SLC9A9: variants seen among roughly 807,000 people sequenced by gnomAD.
SLC9A9 encodes the protein sodium/hydrogen exchanger 9.
A neutral mutation model predicts 77.8 loss-of-function variants in SLC9A9; 62 were observed. The observed-to-expected ratio is 0.80, with a 90% CI of 0.65 to 0.98. The LOEUF (loss-of-function observed/expected upper bound fraction) is 0.98. Among genes scored for constraint, SLC9A9 ranks in the 50% least tolerant of loss-of-function variants. SLC9A9 has a pLI of 0.00. For synonymous variants in SLC9A9, 320 were observed against 283.5 expected (o/e 1.13, Z -1.29); for missense variants, 775 against 774.9 (o/e 1.00, Z 0.00).
At chr3:143,651,447 G>A (rs2038793843) in intron 6 of SLC9A9, among the ~76,000 whole-genome samples, 1 of 152,162 alleles carries the variant, frequency 6.6e-6, no homozygotes, top group South Asian at 2.1e-4. Flanking sequence ...ACAATCTTTT[G>A]TTACTTCACA....
intron 4 of SLC9A9, among the ~76,000 whole-genome samples, chr3:143,784,320 A>C (rs1576723659): frequency 6.6e-6 from 1 of 152,194 alleles, no homozygotes. Context: ...GAACATTATA[A>C]AATAGTTCTA....
At chr3:143,683,192 C>A (rs746023301) in intron 5 of SLC9A9, among the ~76,000 whole-genome samples, 1 of 152,108 alleles carries the variant, frequency 6.6e-6, no homozygotes, top group Non-Finnish European at 1.5e-5. Context: ...TAAGTAGCAG[C>A]TTAAACTAAA....
intron 6 of SLC9A9, among the ~76,000 whole-genome samples, chr3:143,594,791 G>A (rs2037725975): frequency 6.6e-6 from 1 of 152,058 alleles, no homozygotes; most frequent in Non-Finnish European, 1.5e-5. Context: ...GGGCTATTCT[G>A]AGAAAGAAGA....
chr3:143,356,283 A>G (rs974694108), intron 14 of SLC9A9, among the ~76,000 whole-genome samples: 2 of 152,204 alleles, frequency 1.3e-5, no homozygotes, highest in African/African-American at 4.8e-5. Flanking sequence ...GAGGCCAGTG[A>G]ATCAGTTGCC....
At chr3:143,734,467 G>C (rs555771149) in intron 4 of SLC9A9, among the ~76,000 whole-genome samples, 3 of 152,228 alleles carry the variant, frequency 2.0e-5, no homozygotes, top group African/African-American at 7.2e-5. Context: ...TGGGTGCAGT[G>C]GCTCATGCCT....
At chr3:143,286,927 C>T (rs1457366358) in intron 14 of SLC9A9, among the ~76,000 whole-genome samples, 1 of 152,214 alleles carries the variant, frequency 6.6e-6, no homozygotes, top group African/African-American at 2.4e-5. Context: ...AAATGAGGCT[C>T]CACTAGTTCT....
intron 4 of SLC9A9, among the ~76,000 whole-genome samples, chr3:143,707,369 T>TACAC (rs67386185): frequency 0.018 from 2,659 of 149,194 alleles, 46 homozygotes; most frequent in African/African-American, 0.039. Flanking sequence ...TTTTAAAATC[T>TACAC]ACACACACAC....
chr3:143,640,397 T>C (rs2038601786), intron 6 of SLC9A9, among the ~76,000 whole-genome samples: 1 of 152,202 alleles, frequency 6.6e-6, no homozygotes, highest in Non-Finnish European at 1.5e-5. Flanking sequence ...GTGCAAGTCA[T>C]TCTCTTAGAA....
chr3:143,343,485 C>T (rs10804692), intron 14 of SLC9A9: 122,348 of 152,032 alleles, frequency 0.8, 49,457 homozygotes, highest in East Asian at 1. Context: ...AAAAAATCAA[C>T]GGCATGGTTT....
intron 4 of SLC9A9, among the ~76,000 whole-genome samples, chr3:143,745,645 A>G (rs1204012499): frequency 2.0e-5 from 3 of 152,170 alleles, no homozygotes; most frequent in African/African-American, 7.2e-5. Flanking sequence ...AATTCTTTTC[A>G]TCAAGGTGCC....
chr3:143,467,314 A>G (rs1559929077), intron 11 of SLC9A9, 124 bp from the exon 12 acceptor site: 1 of 1,106,218 alleles, frequency 9.0e-7, no homozygotes, highest in Non-Finnish European at 1.3e-6. Context: ...TGAGATAATT[A>G]TAGATTCATA....
At chr3:143,586,476 T>G (rs1403165506) in intron 6 of SLC9A9, among the ~76,000 whole-genome samples, 3 of 152,222 alleles carry the variant, frequency 2.0e-5, no homozygotes, top group South Asian at 4.1e-4. Context: ...TCTGTTTTTT[T>G]GGGCCTGGGT....
chr3:143,622,403 T>A (rs912249525), intron 6 of SLC9A9, among the ~76,000 whole-genome samples: 2 of 152,192 alleles, frequency 1.3e-5, no homozygotes, highest in African/African-American at 4.8e-5. Flanking sequence ...CCCATCAGAC[T>A]AACAGCTGAT....
At chr3:143,673,958 T>C (rs115926193) in intron 5 of SLC9A9, among the ~76,000 whole-genome samples, 1 of 152,234 alleles carries the variant, frequency 6.6e-6, no homozygotes, top group East Asian at 1.9e-4. Flanking sequence ...ATTATGGTCA[T>C]GTAGGAAGAA....
At chr3:143,413,083 C>G (rs561236921) in intron 12 of SLC9A9, among the ~76,000 whole-genome samples, 1 of 152,288 alleles carries the variant, frequency 6.6e-6, no homozygotes, top group East Asian at 1.9e-4. Flanking sequence ...TTTTCTCCCA[C>G]CTCATGGTGA....
At chr3:143,347,130 C>CAAAATAT (rs34872985) in intron 14 of SLC9A9, 4 of 152,086 alleles carry the variant, frequency 2.6e-5, no homozygotes, top group African/African-American at 4.8e-5. Flanking sequence ...GCTACAACTC[C>CAAAATAT]AAAATATACC....
Position 143,466,980 on chromosome 3 carries a change from A to G in SLC9A9, c.1469+57T>C, listed in dbSNP as rs1299108469. The G allele has an allele frequency of 3.2e-6, 5 of 1,585,388 alleles. No individual in the cohort carries two copies. The Admixed American group carries it at 8.9e-5, about 28-fold the overall frequency. ...ATTGACTAAGTCAGCAATACCAGAA[A>G]TTGAACAGCGCAGCCATGCCTCATA... On this transcript the variant is annotated intron_variant, in intron 12 of 15. Coordinates refer to ENST00000316549, the MANE Select transcript of SLC9A9 (RefSeq NM_173653.4).
rs532775190 is a variant in SLC9A9, at chr3:143,492,149, G to A, written c.1315+1504C>T. Among the ~76,000 whole-genome samples the A allele has an allele frequency of 8.6e-5, 13 of 151,980 alleles. No individual in the cohort carries two copies. The East Asian group carries it at 1.2e-3, about 14-fold the overall frequency. ...CTACTAAAAATACAAAAAATTAGCC[G>A]GGCGTGGTGGCAGGCGCCTGTAGTC... On this transcript the variant is annotated intron_variant, in intron 11 of 15. Transcript: ENST00000316549.
At chr3:143,423,676 A>G (rs1422064442) in intron 12 of SLC9A9, among the ~76,000 whole-genome samples, 5 of 152,228 alleles carry the variant, frequency 3.3e-5, no homozygotes, top group East Asian at 3.8e-4. Flanking sequence ...TTGAAAGTTG[A>G]TGAGGACTGA....
Sources: gnomAD v4.1 joint callset for allele counts (sites outside exome capture counted in the v4.1 genomes callset) on GRCh38, gnomAD v4.1.1 for gene constraint, MANE v1.5 for transcripts, NCBI Gene and HGNC (gene_info 2026-07-23, HGNC 2026-07-21) for gene names.